The following ENOX1 variants were observed in gnomAD, a reference collection of about 807,000 sequenced individuals.
ENOX1 encodes candidate growth-related and time keeping constitutive hydroquinone (NADH) oxidase.
Under a neutral mutation model 82.5 loss-of-function variants are expected in ENOX1, and 42 were observed. That is an observed-to-expected ratio of 0.51 (90% CI 0.40 to 0.66). The LOEUF is 0.66. Among genes scored for constraint, ENOX1 ranks in the 30% least tolerant of loss-of-function variants. The pLI, the probability that ENOX1 is intolerant of heterozygous loss-of-function variation, is 0.00. For synonymous variants in ENOX1, 271 were observed against 282.2 expected, an observed-to-expected ratio of 0.96 and a Z score of 0.40; for missense variants, 608 against 811.6, an observed-to-expected ratio of 0.75 and a Z score of 3.05.
chr13:43,553,166 C>T (rs981706823), intron 2 of ENOX1, among the ~76,000 whole-genome samples: 2 of 152,002 alleles, frequency 1.3e-5, no homozygotes, highest in African/African-American at 4.8e-5. Context: ...CACACAAAAA[C>T]GAAATACAGC....
intron 3 of ENOX1, among the ~76,000 whole-genome samples, chr13:43,474,985 A>C (rs1853404): frequency 0.76 from 115,924 of 151,822 alleles, 44,444 homozygotes; most frequent in East Asian, 0.98. Context: ...GTGATTTGAG[A>C]TGAATCCTCA....
At chr13:43,767,476 C>G (rs2153836707) in intron 1 of ENOX1, among the ~76,000 whole-genome samples, 1 of 152,296 alleles carries the variant, frequency 6.6e-6, no homozygotes, top group South Asian at 2.1e-4. Context: ...ACAGCTACTC[C>G]CAGCAACTGC....
intron 5 of ENOX1, among the ~76,000 whole-genome samples, chr13:43,383,501 T>G (rs2052206363): frequency 6.6e-6 from 1 of 152,180 alleles, no homozygotes; most frequent in Admixed American, 6.5e-5. Flanking sequence ...TGCACTATTA[T>G]TATTTTGGGT....
intron 2 of ENOX1, among the ~76,000 whole-genome samples, chr13:43,590,037 A>T (rs1019653027): frequency 2.0e-5 from 3 of 152,224 alleles, no homozygotes; most frequent in Non-Finnish European, 4.4e-5. Flanking sequence ...AATTTGCTTG[A>T]TGGCCTCAGG....
At chr13:43,412,154 C>A in intron 4 of ENOX1, 101 bp from the exon 5 acceptor site, 1 of 1,328,732 alleles carries the variant, frequency 7.5e-7, no homozygotes, top group East Asian at 2.3e-5. Context: ...TTAGCACATT[C>A]CCAAACTACA....
chr13:43,215,805 T>G (rs574279452), intron 16 of ENOX1, among the ~76,000 whole-genome samples: 1 of 152,330 alleles, frequency 6.6e-6, no homozygotes, highest in African/African-American at 2.4e-5. Context: ...GCCTCTTCTC[T>G]GGAGATCCGG....
chr13:43,393,573 T>A (rs1368463952), intron 5 of ENOX1, among the ~76,000 whole-genome samples: 3 of 150,692 alleles, frequency 2.0e-5, no homozygotes, highest in African/African-American at 7.3e-5. Flanking sequence ...ATGGATGGAC[T>A]AACGACAGGT....
chr13:43,332,278 G>C (rs549181232), intron 9 of ENOX1, among the ~76,000 whole-genome samples: 1 of 152,266 alleles, frequency 6.6e-6, no homozygotes, highest in South Asian at 2.1e-4. Context: ...ATCATCATTA[G>C]TTAGATTCTC....
intron 3 of ENOX1, among the ~76,000 whole-genome samples, chr13:43,414,916 C>A (rs2054351390): frequency 6.6e-6 from 1 of 152,156 alleles, no homozygotes; most frequent in South Asian, 2.1e-4. Context: ...TGACTTTTTG[C>A]TACACTGTTT....
chr13:43,644,713 A>G (rs956672513), intron 2 of ENOX1, among the ~76,000 whole-genome samples: 3 of 152,214 alleles, frequency 2.0e-5, no homozygotes, highest in Non-Finnish European at 4.4e-5. Context: ...TACAGATAAG[A>G]AAGCTGAGGC....
At chr13:43,753,484 A>AAT (rs1487674734) in intron 1 of ENOX1, among the ~76,000 whole-genome samples, 3 of 152,110 alleles carry the variant, frequency 2.0e-5, no homozygotes, top group Admixed American at 2.0e-4. Context: ...ATAGTAACAC[A>AAT]ATTGATTTTT....
intron 2 of ENOX1, among the ~76,000 whole-genome samples, chr13:43,627,834 G>A (rs2083033455): frequency 6.6e-6 from 1 of 152,008 alleles, no homozygotes; most frequent in Admixed American, 6.6e-5. Flanking sequence ...TCCTTATCCT[G>A]AGATGGTCTT....
chr13:43,466,359 G>A (rs1281081279), intron 3 of ENOX1, among the ~76,000 whole-genome samples: 1 of 152,084 alleles, frequency 6.6e-6, no homozygotes, highest in Non-Finnish European at 1.5e-5. Context: ...AAATTCTACA[G>A]TGAAAATTAT....
chr13:43,490,145 T>C (rs2076570911), intron 2 of ENOX1, among the ~76,000 whole-genome samples: 1 of 152,176 alleles, frequency 6.6e-6, no homozygotes. Context: ...TTTTGTCATG[T>C]TGGCCAGGCT....
At chr13:43,477,879 C>T (rs189871083) in intron 3 of ENOX1, among the ~76,000 whole-genome samples, 2 of 152,202 alleles carry the variant, frequency 1.3e-5, no homozygotes, top group African/African-American at 2.4e-5. Flanking sequence ...CTTTTTTAAG[C>T]TCCTCGCAAA....
chr13:43,689,472 C>T (rs1594419251), intron 1 of ENOX1, among the ~76,000 whole-genome samples: 1 of 152,276 alleles, frequency 6.6e-6, no homozygotes, highest in East Asian at 1.9e-4. Context: ...GCACTGAGCA[C>T]ATCTCTGACA....
chr13:43,568,655 T>C (rs1019098324), intron 2 of ENOX1, among the ~76,000 whole-genome samples: 2 of 149,740 alleles, frequency 1.3e-5, no homozygotes, highest in Non-Finnish European at 3.0e-5. Flanking sequence ...CTTCAGCCTT[T>C]CTTTTATCTA....
At chr13:43,417,859 T>G (rs1299862432) in intron 3 of ENOX1, among the ~76,000 whole-genome samples, 2 of 152,242 alleles carry the variant, frequency 1.3e-5, no homozygotes, top group African/African-American at 4.8e-5. Flanking sequence ...CCTAGTTTTC[T>G]GTGCCACACC....
At chr13:43,731,754 T>C (rs9595006) in intron 1 of ENOX1, among the ~76,000 whole-genome samples, 49,558 of 152,084 alleles carry the variant, frequency 0.33, 8,411 homozygotes, top group East Asian at 0.48. Context: ...AAATAAAATA[T>C]TTTTAAGCGA....
Sources: allele counts gnomAD v4.1 joint callset (sites outside exome capture counted in the v4.1 genomes callset), GRCh38; gene constraint gnomAD v4.1.1; transcripts MANE v1.5; gene names NCBI Gene and HGNC (gene_info 2026-07-23, HGNC 2026-07-21).